Variants in ANK2 observed in about 807,000 individuals in gnomAD.
ANK2 encodes the protein ankyrin 2.
ANK2 carries 83 observed loss-of-function variants against 360.5 expected under a neutral mutation model. The ratio of observed to expected loss-of-function variants is 0.23; its 90% confidence interval spans 0.19 to 0.28. The LOEUF (loss-of-function observed/expected upper bound fraction) is 0.28. Ranked by LOEUF, ANK2 falls within the 10% of genes least tolerant of loss-of-function variation. ANK2 has a pLI of 1.00. For missense variants in ANK2, 4,201 were observed against 4,795.7 expected, an observed-to-expected ratio of 0.88 and a Z score of 3.66; for synonymous variants, 1,740 against 1,759.5, an observed-to-expected ratio of 0.99 and a Z score of 0.28.
At chr4:113,285,241 G>C (rs186991686) in intron 18 of ANK2, among the ~76,000 whole-genome samples, 6,481 of 151,542 alleles carry the variant, frequency 0.043, 170 homozygotes, top group East Asian at 0.069. Flanking sequence ...GTGACCAAAT[G>C]CGGAGAGGTT....
At chr4:113,185,511 T>C (rs2098503447) in intron 2 of ANK2, among the ~76,000 whole-genome samples, 1 of 152,274 alleles carries the variant, frequency 6.6e-6, no homozygotes, top group Admixed American at 6.5e-5. Flanking sequence ...ATAAATGTCT[T>C]CTTTTGAGAA....
At chr4:113,183,839 G>A (rs1158632104) in intron 2 of ANK2, among the ~76,000 whole-genome samples, 2 of 151,948 alleles carry the variant, frequency 1.3e-5, no homozygotes, top group Non-Finnish European at 2.9e-5. Context: ...GTATATGTAG[G>A]AGAAAGTGGC....
chr4:113,106,804 T>G (rs541003091), intron 1 of ANK2: 1 of 444,236 alleles, frequency 2.3e-6, no homozygotes, highest in East Asian at 6.1e-5. Flanking sequence ...AGCTGACAGA[T>G]TGGTTGACTC....
intron 1 of ANK2, among the ~76,000 whole-genome samples, chr4:113,167,154 C>T (rs2154407709): frequency 6.6e-6 from 1 of 152,158 alleles, no homozygotes; most frequent in South Asian, 2.1e-4. Context: ...CTTTTGAATA[C>T]TAATTTTTAA....
At chr4:113,336,217 A>G in intron 30 of ANK2, 160 bp downstream of exon 30, 4 of 753,846 alleles carry the variant, frequency 5.3e-6, no homozygotes, top group Non-Finnish European at 8.2e-6. Flanking sequence ...ATTGGTTACT[A>G]ATCTATTTAA....
At chr4:112,985,073 G>A (rs956853213) in intron 2 of ANK2, among the ~76,000 whole-genome samples, 17 of 152,166 alleles carry the variant, frequency 1.1e-4, no homozygotes, top group African/African-American at 3.9e-4. Flanking sequence ...TAAAAATAAT[G>A]GTGATGTCAT....
chr4:113,156,301 CAG>C (rs10541252), intron 1 of ANK2, among the ~76,000 whole-genome samples: 102,791 of 150,556 alleles, frequency 0.68, 35,657 homozygotes, highest in African/African-American at 0.8. Context: ...AAAAGTAAAA[CAG>C]AATATTATTA....
chr4:113,081,158 C>T (rs2082264802), intron 1 of ANK2, among the ~76,000 whole-genome samples: 1 of 152,146 alleles, frequency 6.6e-6, no homozygotes, highest in South Asian at 2.1e-4. Context: ...TTTTCACTAA[C>T]TCAGTCTATC....
chr4:113,177,725 A>T (rs574201758), intron 2 of ANK2, among the ~76,000 whole-genome samples: 18 of 152,326 alleles, frequency 1.2e-4, no homozygotes, highest in African/African-American at 3.4e-4. Flanking sequence ...ATCCACTAAC[A>T]TGTCACTATA....
intron 1 of ANK2, among the ~76,000 whole-genome samples, chr4:113,115,243 A>G (rs1358238068): frequency 6.6e-6 from 1 of 152,178 alleles, no homozygotes; most frequent in Non-Finnish European, 1.5e-5. Flanking sequence ...CTGAATGACT[A>G]TGTGTATTTC....
the ANK2 span, among the ~76,000 whole-genome samples, chr4:112,805,578 ATTTTT>A: frequency 2.6e-4 from 37 of 144,374 alleles, no homozygotes; most frequent in Non-Finnish European, 3.0e-4. Context: ...AGGCATGCAG[ATTTTT>A]TTTTTTTTTT....
At chr4:113,292,776 G>C (rs1041977786) in intron 21 of ANK2, among the ~76,000 whole-genome samples, 1 of 152,074 alleles carries the variant, frequency 6.6e-6, no homozygotes. Flanking sequence ...CTGCTGGAAC[G>C]TGCTCTGCTT....
At chr4:113,257,968 T>C in intron 11 of ANK2, 82 bp from the exon 12 acceptor site, 1 of 1,254,336 alleles carries the variant, frequency 8.0e-7, no homozygotes, top group Non-Finnish European at 1.2e-6. Flanking sequence ...GATGTAACAT[T>C]ATTGCCTGCA....
intron 1 of ANK2, among the ~76,000 whole-genome samples, chr4:112,871,621 A>G (rs939882816): frequency 6.6e-6 from 1 of 152,174 alleles, no homozygotes; most frequent in East Asian, 1.9e-4. Context: ...CCAAATTGCC[A>G]TTGCTAGAGC....
chr4:112,964,269 A>G (rs2036186699), intron 2 of ANK2, among the ~76,000 whole-genome samples: 1 of 151,424 alleles, frequency 6.6e-6, no homozygotes, highest in Admixed American at 6.6e-5. Flanking sequence ...CTTTAAAAAT[A>G]TACAATTAAA....
At chr4:113,053,276 CTT>C (rs1293066312) in intron 1 of ANK2, among the ~76,000 whole-genome samples, 1 of 152,120 alleles carries the variant, frequency 6.6e-6, no homozygotes, top group Non-Finnish European at 1.5e-5. Context: ...GAGAGAAAGA[CTT>C]GTTTATTATT....
At chr4:112,812,294 A>C in the ANK2 span, among the ~76,000 whole-genome samples, 2 of 152,126 alleles carry the variant, frequency 1.3e-5, no homozygotes, top group African/African-American at 2.4e-5. Context: ...ATTCTTTATG[A>C]TGCTGTGATA....
At chr4:113,361,445 T>A (rs1252707300) in intron 39 of ANK2, among the ~76,000 whole-genome samples, 1 of 152,048 alleles carries the variant, frequency 6.6e-6, no homozygotes, top group African/African-American at 2.4e-5. Flanking sequence ...ATCAATATAC[T>A]TTATTTACAC....
rs1444041583 is a variant in ANK2 at position 113,092,203 on chromosome 4, T to C, written c.84+42391T>C. ...AAAATTACGGTGAGACTATTTGGATTTTTTTAAGAATGGCATCTGGCCACA... is the reference window on the plus strand; with the variant it reads ...AAAATTACGGTGAGACTATTTGGATCTTTTTAAGAATGGCATCTGGCCACA... On this transcript the variant is annotated intron_variant, in intron 1 of 45. Transcript: ENST00000357077. 3.9e-5 allele frequency among the ~76,000 whole-genome samples: 6 copies of C among 152,226 alleles called. No homozygotes were observed. The East Asian group carries it at 1.2e-3, about 29-fold the overall frequency.
Sources: gnomAD v4.1 joint callset for allele counts (sites outside exome capture counted in the v4.1 genomes callset) on GRCh38, gnomAD v4.1.1 for gene constraint, MANE v1.5 for transcripts, NCBI Gene and HGNC (gene_info 2026-07-23, HGNC 2026-07-21) for gene names.